Variants in GUSB observed in about 807,000 individuals in gnomAD.
The protein encoded by GUSB is glucuronidase beta.
A neutral mutation model predicts 74.6 loss-of-function variants in GUSB; 51 were observed. The observed-to-expected ratio is 0.68, with a 90% CI of 0.55 to 0.86. GUSB has a LOEUF of 0.86. GUSB is among the 40% of genes least tolerant of loss of function. The pLI is 0.00. For missense variants in GUSB, 736 were observed against 853.7 expected (o/e 0.86, Z 1.72); for synonymous variants, 360 against 348.3 (o/e 1.03, Z -0.37).
At chr7:65,966,962 G>GT (rs1327616231) in intron 10 of GUSB, among the ~76,000 whole-genome samples, 1 of 152,088 alleles carries the variant, frequency 6.6e-6, no homozygotes, top group Non-Finnish European at 1.5e-5. Flanking sequence ...GGTGATTATG[G>GT]TGCCAACATG....
At chr7:65,981,057 C>T (rs1460784358) in intron 1 of GUSB, among the ~76,000 whole-genome samples, 1 of 152,142 alleles carries the variant, frequency 6.6e-6, no homozygotes, top group African/African-American at 2.4e-5. Flanking sequence ...TCCCGATCCC[C>T]GGGCCCAGCT....
rs1583922237 is a variant in GUSB, at chr7:65,974,627, G to A, written c.1143C>T (p.Phe381=). 5.6e-6 allele frequency: 9 copies of A among 1,614,046 alleles called. No homozygotes were observed. Among genetic ancestry groups the A allele is most frequent in the Non-Finnish European group, 7.6e-6 (9 of 1,180,016 alleles). ...NLLRWLGANA[F]RTSHYPYAEE... is the part of the protein sequence containing the mutation. ...CTGCATAGGGGTAGTGGCTGGTACG[G>A]AAAGCGTTGGCACCAAGCCAGCGAA... The change falls in exon 7 of 12, where the codon TTC becomes TTT. Residue 381 remains phenylalanine, a synonymous_variant. Transcript: ENST00000304895.
chr7:65,971,870 A>G (rs897008121), intron 8 of GUSB, among the ~76,000 whole-genome samples: 1 of 151,668 alleles, frequency 6.6e-6, no homozygotes, highest in Non-Finnish European at 1.5e-5. Flanking sequence ...GAGAAACCCC[A>G]TATCTACTAA....
rs765097533 is a variant in GUSB at position 65,976,085 on chromosome 7, T to C, written c.842A>G (p.Lys281Arg). ...CCACCAGAGGCTGACACCTGGCACCTTAAGTTGGCCCTGGGTCCCAGTCCC... is the reference window on the plus strand; with the variant it reads ...CCACCAGAGGCTGACACCTGGCACCCTAAGTTGGCCCTGGGTCCCAGTCCC... ...ANGTGTQGQL[K>R]VPGVSLWWPY... The change falls in exon 5 of 12, where the codon AAG (lysine) becomes AGG (arginine). Residue 281 changes from lysine to arginine, a missense_variant. By Grantham distance (26) the Lys-to-Arg change is conservative. This residue lies in a region of GUSB where 368 missense variants were observed against 489.9 expected (regional missense o/e 0.75). Coordinates refer to ENST00000304895, the MANE Select transcript of GUSB (RefSeq NM_000181.4). The C allele has an allele frequency of 6.2e-7, 1 of 1,613,982 alleles. No individual in the cohort carries two copies. The highest frequency in any genetic ancestry group is 8.5e-7 in the Non-Finnish European group (1 of 1,180,012).
intron 3 of GUSB, 57 bp downstream of exon 3, chr7:65,979,670 G>T: frequency 6.3e-7 from 1 of 1,590,990 alleles, no homozygotes; most frequent in Non-Finnish European, 8.6e-7. Context: ...CTACCAGGAA[G>T]ACCACAGGGT....
At chr7:65,962,080 A>G (rs1790538049) in intron 11 of GUSB, among the ~76,000 whole-genome samples, 1 of 152,068 alleles carries the variant, frequency 6.6e-6, no homozygotes, top group South Asian at 2.1e-4. Flanking sequence ...GCTGTCTGGT[A>G]ACTGGGTAGG....
At chr7:65,973,697 C>T (rs145332892) in intron 8 of GUSB, among the ~76,000 whole-genome samples, 125 of 152,176 alleles carry the variant, frequency 8.2e-4, no homozygotes, top group African/African-American at 2.9e-3. Flanking sequence ...GCAGAGGTTG[C>T]AGTGAGCTGA....
chr7:65,981,538 A>T (rs1792020667), intron 1 of GUSB, among the ~76,000 whole-genome samples: 1 of 146,032 alleles, frequency 6.8e-6, no homozygotes, highest in Admixed American at 6.9e-5. Context: ...AGCCCAGATA[A>T]TTTTTTTTTT....
At chr7:65,970,929 A>G (rs1583909960) in intron 8 of GUSB, among the ~76,000 whole-genome samples, 1 of 151,534 alleles carries the variant, frequency 6.6e-6, no homozygotes, top group Non-Finnish European at 1.5e-5. Context: ...AAAAAAAAGC[A>G]TGGAGCCGCT....
chr7:65,963,150 G>A (rs927050971), intron 11 of GUSB, among the ~76,000 whole-genome samples: 7 of 151,824 alleles, frequency 4.6e-5, no homozygotes, highest in African/African-American at 7.3e-5. Flanking sequence ...GAGCCACTGC[G>A]CCCAGCCTGC....
intron 10 of GUSB, among the ~76,000 whole-genome samples, chr7:65,966,329 G>A (rs1790832686): frequency 6.6e-6 from 1 of 152,132 alleles, no homozygotes; most frequent in African/African-American, 2.4e-5. Context: ...AGTCCACTGT[G>A]GGTGGCTGTT....
intron 8 of GUSB, among the ~76,000 whole-genome samples, chr7:65,970,918 A>T (rs1239346181): frequency 6.6e-6 from 1 of 151,920 alleles, no homozygotes; most frequent in Non-Finnish European, 1.5e-5. Flanking sequence ...AAAGGGGAAA[A>T]AAAAAAAAGC....
chr7:65,981,009 G>A (rs1035615438), intron 1 of GUSB, among the ~76,000 whole-genome samples: 5 of 152,130 alleles, frequency 3.3e-5, no homozygotes, highest in Admixed American at 6.6e-5. Flanking sequence ...TTCCTGCCTC[G>A]GCAGAGCTGA....
chr7:65,970,352 T>A lies in GUSB; in HGVS notation c.1406A>T (p.His469Leu). 5.0e-6 allele frequency: 8 copies of A among 1,611,884 alleles called. No homozygotes were observed. The highest frequency in any genetic ancestry group is 6.8e-6 in the Non-Finnish European group (8 of 1,178,520). Residue 469 changes from histidine (H) to leucine (L), a missense_variant, in exon 9 of 12, where the codon CAC becomes CTC. Transcript: ENST00000304895. ...AGYYLKMVIA[H>L]TKSLDPSRPV... ...CCGGGAGGGGTCCAAGGATTTGGTGTGAGCGATCACCATCCTGTCCACAAA... is the reference window on the plus strand; with the variant it reads ...CCGGGAGGGGTCCAAGGATTTGGTGAGAGCGATCACCATCCTGTCCACAAA...
At chr7:65,962,738 G>A (rs1790578173) in intron 11 of GUSB, among the ~76,000 whole-genome samples, 1 of 151,956 alleles carries the variant, frequency 6.6e-6, no homozygotes, top group African/African-American at 2.4e-5. Flanking sequence ...CGGGTGTGGT[G>A]GCGCATGCCT....
intron 8 of GUSB, 143 bp from the exon 9 acceptor site, chr7:65,970,509 T>C (rs1389474348): frequency 6.3e-6 from 4 of 635,854 alleles, no homozygotes; most frequent in Non-Finnish European, 1.2e-5. Flanking sequence ...CCCAGCACTT[T>C]GGGAGGCCGA....
chr7:65,963,598 T>G (rs1229714901), intron 11 of GUSB, among the ~76,000 whole-genome samples: 1 of 152,026 alleles, frequency 6.6e-6, no homozygotes, highest in Non-Finnish European at 1.5e-5. Context: ...CAGGCTCTTG[T>G]GCAGTGGTGC....
rs769332548 is a variant in GUSB at position 65,964,287 on chromosome 7, C to T, written c.1789+36G>A. ...GAAAGGCAACCTGAAAAAATGAGGACGGGTACGTTATCCCATGAGCCAAAC... is the reference window on the plus strand; with the variant it reads ...GAAAGGCAACCTGAAAAAATGAGGATGGGTACGTTATCCCATGAGCCAAAC... On this transcript the variant is annotated intron_variant, in intron 11 of 11. Coordinates refer to ENST00000304895, the MANE Select transcript of GUSB (RefSeq NM_000181.4). 31 of 1,584,778 alleles carry T rather than the reference C, an allele frequency of 2.0e-5. No individual in the cohort carries two copies. The African/African-American group carries it at 2.8e-4, about 14-fold the overall frequency.
In GUSB at chr7:65,967,833, A is replaced by G; in HGVS notation, c.1551T>C (p.Ile517=). Residue 517 remains isoleucine, a synonymous_variant, in exon 10 of 12, where the codon ATT becomes ATC. Transcript: ENST00000304895. ...CAAACTGGGTGGCCAGCTGCAGCTG[A>G]ATCAACTCCAGGTGCCCGTAGTCGT... ...WYHDYGHLEL[I]QLQLATQFEN... 1.2e-6 allele frequency: 2 copies of G among 1,609,326 alleles called. No homozygotes were observed. Among genetic ancestry groups the G allele is most frequent in the Non-Finnish European group, 8.5e-7 (1 of 1,178,556 alleles).
Sources: allele counts gnomAD v4.1 joint callset (sites outside exome capture counted in the v4.1 genomes callset), GRCh38; gene constraint gnomAD v4.1.1; regional missense constraint gnomAD v4.1.1; transcripts MANE v1.5; gene names NCBI Gene and HGNC (gene_info 2026-07-23, HGNC 2026-07-21).